SLC44A3: variants seen among roughly 807,000 people sequenced by gnomAD.
SLC44A3 encodes the protein solute carrier family 44 member 3.
A neutral mutation model predicts 75.4 loss-of-function variants in SLC44A3; 74 were observed. The ratio of observed to expected loss-of-function variants is 0.98; its 90% CI spans 0.81 to 1.19. The LOEUF (loss-of-function observed/expected upper bound fraction) is 1.19, where lower values mean the gene tolerates loss of function less well. Ranked by LOEUF, SLC44A3 falls within the 50% of genes most tolerant of loss-of-function variation. The pLI is 0.00. For synonymous variants in SLC44A3, 310 were observed against 296.9 expected (o/e 1.04, Z -0.45); for missense variants, 700 against 778.6 (o/e 0.90, Z 1.20).
At chr1:94,876,847 C>T (rs543064204) in intron 12 of SLC44A3, among the ~76,000 whole-genome samples, 2 of 152,324 alleles carry the variant, frequency 1.3e-5, no homozygotes, top group African/African-American at 4.8e-5. Flanking sequence ...TATCCCTCCT[C>T]GGAGTTATAT....
intron 11 of SLC44A3, among the ~76,000 whole-genome samples, chr1:94,865,881 A>G (rs1277622906): frequency 6.6e-6 from 1 of 152,260 alleles, no homozygotes; most frequent in Admixed American, 6.5e-5. Context: ...ATATTTTAAA[A>G]TCTATAACCA....
chr1:94,869,384 G>A (rs914465139), intron 12 of SLC44A3, among the ~76,000 whole-genome samples: 2 of 152,232 alleles, frequency 1.3e-5, no homozygotes, highest in Non-Finnish European at 2.9e-5. Flanking sequence ...TCCAGCTCCT[G>A]TAGTGAGTCA....
At chr1:94,883,381 T>C (rs868395959) in intron 12 of SLC44A3, among the ~76,000 whole-genome samples, 1 of 152,106 alleles carries the variant, frequency 6.6e-6, no homozygotes, top group South Asian at 2.1e-4. Context: ...CGCATGCCTG[T>C]ATTTCCAGCT....
chr1:94,892,861 G>A (rs1461337519), intron 14 of SLC44A3, among the ~76,000 whole-genome samples: 1 of 152,172 alleles, frequency 6.6e-6, no homozygotes, highest in African/African-American at 2.4e-5. Flanking sequence ...CCTTTTGGGT[G>A]GTCTAGAAGT....
Position 94,845,290 on chromosome 1 carries a change from G to C in SLC44A3, c.898G>C (p.Val300Leu). 2 of 1,610,120 alleles carry C rather than the reference G, an allele frequency of 1.2e-6. No individual in the cohort carries two copies. The highest frequency in any genetic ancestry group is 1.1e-5 in the South Asian group (1 of 90,372). ...CCTTTCTCACCAGGCAGTGCTGCTCGTCTTGATTTTTGTTCTCAGAAAGAG... is the reference window on the plus strand; with the variant it reads ...CCTTTCTCACCAGGCAGTGCTGCTCCTCTTGATTTTTGTTCTCAGAAAGAG... Reference protein sequence around the residue: ...VSTGITAVLLVLIFVLRKRIK... With the variant: ...VSTGITAVLLLLIFVLRKRIK... The change falls in exon 9 of 15, where the codon GTC (valine) becomes CTC (leucine). Residue 300 changes from valine (V) to leucine (L), a missense_variant. By Grantham distance (32) the Val-to-Leu change is conservative (BLOSUM62 1). Transcript: ENST00000271227.
intron 12 of SLC44A3, among the ~76,000 whole-genome samples, chr1:94,882,204 C>A (rs765545091): frequency 5.9e-5 from 9 of 152,110 alleles, no homozygotes; most frequent in Non-Finnish European, 7.3e-5. Context: ...GGAAACTGAG[C>A]CCCAGAGGAT....
At chr1:94,851,132 C>T (rs1236436020) in intron 9 of SLC44A3, among the ~76,000 whole-genome samples, 1 of 152,128 alleles carries the variant, frequency 6.6e-6, no homozygotes, top group Non-Finnish European at 1.5e-5. Context: ...AACTCTCCCC[C>T]TAAACTGCTT....
At chr1:94,888,352 G>C (rs1669830264) in intron 12 of SLC44A3, among the ~76,000 whole-genome samples, 1 of 152,350 alleles carries the variant, frequency 6.6e-6, no homozygotes, top group East Asian at 1.9e-4. Context: ...AAATGCCCTT[G>C]ATCTTGGTTT....
intron 9 of SLC44A3, among the ~76,000 whole-genome samples, chr1:94,846,321 TA>T (rs376296343): frequency 6.7e-4 from 102 of 152,266 alleles, no homozygotes; most frequent in African/African-American, 2.3e-3. Context: ...GGTGCTTTAT[TA>T]AAATACAGTT....
At chr1:94,838,983 A>G (rs1663189106) in intron 6 of SLC44A3, 3 of 152,160 alleles carry the variant, frequency 2.0e-5, no homozygotes, top group African/African-American at 7.2e-5. Flanking sequence ...TCCCAGTACC[A>G]CTCATAGGAG....
chr1:94,854,935 C>T (rs1470356961), intron 9 of SLC44A3, among the ~76,000 whole-genome samples: 1 of 152,014 alleles, frequency 6.6e-6, no homozygotes, highest in Non-Finnish European at 1.5e-5. Context: ...GGTGAGAAAC[C>T]CTGCCCTAAA....
In SLC44A3 at chr1:94,839,984, T is replaced by A. The variant is rs1409374773; in HGVS notation, c.707T>A (p.Ile236Asn). 2 of 1,614,094 alleles carry A rather than the reference T, an allele frequency of 1.2e-6. No homozygotes were observed. The highest frequency in any genetic ancestry group is 8.5e-7 in the Non-Finnish European group (1 of 1,180,032). The change falls in exon 7 of 15, where the codon ATC becomes AAC. Residue 236 changes from isoleucine (I) to asparagine (N), a missense_variant. Physicochemically the swap from Ile to Asn is moderately radical, Grantham distance 149. Coordinates refer to ENST00000271227, the MANE Select transcript of SLC44A3 (RefSeq NM_001114106.3). ...SLAMMFTFRF[I>N]TTLLVHIFIS... ...GCCATGATGTTTACCTTCAGATTCA[T>A]CACCACCCTTCTGGTTCACATTTTC...
chr1:94,862,728 A>C (rs1666720469), intron 10 of SLC44A3, among the ~76,000 whole-genome samples: 1 of 152,156 alleles, frequency 6.6e-6, no homozygotes, highest in African/African-American at 2.4e-5. Context: ...TCCAGTGGGA[A>C]GATCTAGAGA....
rs573632624 is a variant in SLC44A3 at position 94,828,312 on chromosome 1, G to A, written c.416-181G>A. Reference sequence around the variant, plus strand: ...TTAGTTTTGAATTTGGGGTTTTGAAGAGAAAGTAAGGAAGAGAGGCCCTCA... The same window carrying A: ...TTAGTTTTGAATTTGGGGTTTTGAAAAGAAAGTAAGGAAGAGAGGCCCTCA... On this transcript the variant is annotated intron_variant, in intron 4 of 14. Transcript: ENST00000271227. Among the ~76,000 whole-genome samples, 4 of 152,320 alleles carry A rather than the reference G, an allele frequency of 2.6e-5. No individual in the cohort carries two copies. In the South Asian group the frequency reaches 6.2e-4, roughly 24 times the overall value.
chr1:94,884,674 G>A (rs1669368968), intron 12 of SLC44A3, among the ~76,000 whole-genome samples: 1 of 152,066 alleles, frequency 6.6e-6, no homozygotes, highest in Non-Finnish European at 1.5e-5. Context: ...TTACCTTTTT[G>A]AAGAGTCGGC....
chr1:94,842,048 T>G lies in SLC44A3; in HGVS notation c.809T>G (p.Leu270Arg). 1 of 1,613,552 alleles carries G rather than the reference T, an allele frequency of 6.2e-7. No homozygotes were observed. Among genetic ancestry groups the G allele is most frequent in the South Asian group, 1.1e-5 (1 of 90,966 alleles). The change falls in exon 8 of 15, where the codon CTC becomes CGC. Residue 270 changes from leucine to arginine, a missense_variant. Transcript: ENST00000271227. ...CTGTATTATGACTATACCAACGACC[T>G]CAGCATAGAATTGGACACAGAAAGG... ...WWLYYDYTND[L>R]SIELDTEREN...
At chr1:94,841,901 C>T in intron 7 of SLC44A3, 99 bp from the exon 8 acceptor site, 1 of 1,455,664 alleles carries the variant, frequency 6.9e-7, no homozygotes. Flanking sequence ...TGCCACGCGG[C>T]CGGTGGGCAG....
intron 9 of SLC44A3, among the ~76,000 whole-genome samples, chr1:94,853,816 G>C (rs1403263814): frequency 1.3e-5 from 2 of 151,860 alleles, no homozygotes; most frequent in Non-Finnish European, 2.9e-5. Flanking sequence ...ACCAATATGG[G>C]AGCATGTAAG....
At position 94,827,578 on chromosome 1, in the gene SLC44A3, T is replaced by A; in HGVS notation, c.350T>A (p.Val117Glu). 1 of 1,614,212 alleles carries A rather than the reference T, an allele frequency of 6.2e-7. No individual in the cohort carries two copies. Among genetic ancestry groups the A allele is most frequent in the Non-Finnish European group, 8.5e-7 (1 of 1,180,034 alleles). ...GTQLNRMALCVSNCPEEQLDS... is the reference protein window; with the variant it reads ...GTQLNRMALCESNCPEEQLDS... ...CAGCTCAACCGCATGGCCCTCTGTGTATCCAACTGCCCTGAAGAGCAGCTT... is the reference window on the plus strand; with the variant it reads ...CAGCTCAACCGCATGGCCCTCTGTGAATCCAACTGCCCTGAAGAGCAGCTT... Residue 117 changes from valine (V) to glutamate (E), a missense_variant, in exon 4 of 15, where the codon GTA becomes GAA. Val to Glu is a moderately radical substitution (Grantham distance 121, BLOSUM62 -2). Transcript: ENST00000271227.
Sources: allele counts gnomAD v4.1 joint callset (sites outside exome capture counted in the v4.1 genomes callset), GRCh38; gene constraint gnomAD v4.1.1; transcripts MANE v1.5; gene names NCBI Gene and HGNC (gene_info 2026-07-23, HGNC 2026-07-21).